KCNQ2: variants seen among roughly 807,000 people sequenced by gnomAD.
The protein encoded by KCNQ2 is potassium voltage-gated channel subfamily KQT member 2.
Under a neutral mutation model 84.8 loss-of-function variants are expected in KCNQ2, and 14 were observed. That is an observed-to-expected ratio of 0.17 (90% CI 0.11 to 0.26). KCNQ2 has a LOEUF of 0.26. KCNQ2 is among the 10% of genes least tolerant of loss of function. The probability of loss-of-function intolerance (pLI) is 1.00; values close to 1 mark genes in which losing one functional copy is unlikely to be tolerated. For missense variants in KCNQ2, 788 were observed against 1,254.0 expected, an observed-to-expected ratio of 0.63 and a Z score of 5.61; for synonymous variants, 599 against 554.1, an observed-to-expected ratio of 1.08 and a Z score of -1.14.
chr20:63,472,640 G>A lies in KCNQ2; in HGVS notation c.-177C>T. ...AGACGCTGCGGCCACCTCGCTCCGC[G>A]CGCACCTCGGCGCCTGGCCCGCGGC... On this transcript the variant is annotated 5_prime_UTR_variant, in exon 1 of 17. Transcript: ENST00000359125. 1 of 248,364 alleles carries A rather than the reference G, an allele frequency of 4.0e-6. No homozygotes were observed. The highest frequency in any genetic ancestry group is 6.2e-6 in the Non-Finnish European group (1 of 161,374). The allele number at this position is 248,364 out of a possible 1,614,324, so 15.4% of individuals were successfully genotyped here.
intron 1 of KCNQ2, among the ~76,000 whole-genome samples, chr20:63,457,652 G>A (rs1242716710): frequency 6.6e-6 from 1 of 152,214 alleles, no homozygotes; most frequent in Non-Finnish European, 1.5e-5. Flanking sequence ...GGAGCTGGAG[G>A]CGGGGGTCCT....
intron 10 of KCNQ2, chr20:63,424,632 G>A (rs181684121): frequency 2.1e-4 from 40 of 194,574 alleles, no homozygotes; most frequent in Middle Eastern, 2.1e-3. Flanking sequence ...TTTTTTCCAC[G>A]CTCATCCTAA....
chr20:63,462,749 T>C (rs2081987730), intron 1 of KCNQ2, among the ~76,000 whole-genome samples: 1 of 152,218 alleles, frequency 6.6e-6, no homozygotes, highest in South Asian at 2.1e-4. Context: ...TCCTAGCACC[T>C]GCTTCAAGGT....
At chr20:63,429,388 C>T (rs1486312239) in intron 9 of KCNQ2, among the ~76,000 whole-genome samples, 1 of 152,100 alleles carries the variant, frequency 6.6e-6, no homozygotes, top group Non-Finnish European at 1.5e-5. Flanking sequence ...GTGGAGCACT[C>T]CCCACTGGGG....
intron 10 of KCNQ2, 114 bp downstream of exon 10, chr20:63,428,253 G>T: frequency 2.5e-6 from 2 of 787,750 alleles, no homozygotes; most frequent in African/African-American, 1.7e-5. Flanking sequence ...GTCCCCGCGC[G>T]TCCCAGCTCC....
rs1362209800 is a variant in KCNQ2 at position 63,414,355 on chromosome 20, A to C, written c.1526-162T>G. ...CTTTTCTGGAAACCCACCCATCTGC[A>C]CCCAGCTGCTCTCGAGTCAGGACCT... is the stretch of plus-strand genomic sequence containing the variant. On this transcript the variant is annotated intron_variant, in intron 13 of 16. Transcript: ENST00000359125. The surrounding 1 kb of genome is among the most constrained non-coding windows in gnomAD (Gnocchi z 6.6). 6.6e-6 allele frequency among the ~76,000 whole-genome samples: 1 copy of C among 152,084 alleles called. No individual in the cohort carries two copies. The highest frequency in any genetic ancestry group is 6.5e-5 in the Admixed American group (1 of 15,274).
chr20:63,429,733 C>A (rs1299740177), intron 9 of KCNQ2, among the ~76,000 whole-genome samples: 1 of 152,200 alleles, frequency 6.6e-6, no homozygotes, highest in Non-Finnish European at 1.5e-5. Context: ...TGCCGACTCC[C>A]ACTTCGTCCA....
At chr20:63,413,263 GGA>G in intron 15 of KCNQ2, 185 bp downstream of exon 15, 1 of 657,584 alleles carries the variant, frequency 1.5e-6, no homozygotes. Context: ...GGGAGAGATG[GGA>G]GAGACAGCAG....
rs535071249 is a variant in KCNQ2 at position 63,408,055 on chromosome 20, C to T, written c.1887+358G>A. ...CTGAGAATGCACCCCCAGAAGACAG[C>T]GGCCAGGGTGTCGGGCAAGGAGGAC... On this transcript the variant is annotated intron_variant, in intron 16 of 16. Coordinates refer to ENST00000359125, the MANE Select transcript of KCNQ2 (RefSeq NM_172107.4). The surrounding 1 kb of genome is among the most constrained non-coding windows in gnomAD (Gnocchi z 5.0). The T allele has an allele frequency of 3.4e-5, 11 of 328,080 alleles. No homozygotes were observed. The highest frequency in any genetic ancestry group is 2.5e-4 in the Admixed American group (6 of 24,340). 20.3% of individuals were successfully genotyped at this position (328,080 alleles called of 1,614,324 possible). A position where few individuals can be genotyped will look rare whatever the true frequency, so the allele number is the denominator to read the frequency against.
intron 1 of KCNQ2, among the ~76,000 whole-genome samples, chr20:63,462,009 T>G (rs78541511): frequency 8.9e-6 from 1 of 112,064 alleles, no homozygotes; most frequent in African/African-American, 3.6e-5. Context: ...GGGAGGAGGC[T>G]GCACCTACCC....
Position 63,403,161 on chromosome 20 carries a change from A to G in KCNQ2, c.*3483T>C, listed in dbSNP as rs6062442. The G allele has an allele frequency of 0.96, 146,482 of 152,452 alleles. 70,658 individuals are homozygous for G. The highest frequency in any genetic ancestry group is 1 in the East Asian group (5,182 of 5,182). 9.4% of individuals were successfully genotyped at this position (152,452 alleles called of 1,614,324 possible). ...CTCTGGATGGCTGCCAGGCTGTGGG[A>G]GGGAAGGGCAGCACGAGACCCTGAT... On this transcript the variant is annotated 3_prime_UTR_variant, in exon 17 of 17. Coordinates refer to ENST00000359125, the MANE Select transcript of KCNQ2 (RefSeq NM_172107.4).
chr20:63,408,287 GC>G lies in KCNQ2; in HGVS notation c.1887+125del. ...CAGAGCAGCTGTCAGTGGTGACAGGGCCATGTAAACCCTAGACTTGAGGAGC... is the reference window on the plus strand; with the variant it reads ...CAGAGCAGCTGTCAGTGGTGACAGGGCATGTAAACCCTAGACTTGAGGAGC... On this transcript the variant is annotated intron_variant, in intron 16 of 16. Coordinates refer to ENST00000359125, the MANE Select transcript of KCNQ2 (RefSeq NM_172107.4). This position sits in a 1 kb window ranked among gnomAD's most constrained non-coding sequence, Gnocchi z 5.0. The G allele has an allele frequency of 1.7e-6, 2 of 1,197,270 alleles. No individual in the cohort carries two copies. The allele number at this position is 1,197,270 out of a possible 1,614,324, so 74.2% of individuals were successfully genotyped here.
chr20:63,432,350 ATCCACCCACAGGGAAGGC>A lies in KCNQ2; in HGVS notation c.1119-999_1119-982del, dbSNP rs1296333490. Among the ~76,000 whole-genome samples, 221 of 72,826 alleles carry A rather than the reference ATCCACCCACAGGGAAGGC, an allele frequency of 3.0e-3. 2 individuals carry two copies. Among genetic ancestry groups the A allele is most frequent in the African/African-American group, 0.012 (212 of 17,540 alleles). The allele number at this position is 72,826 out of a possible 152,430, so 47.8% of individuals were successfully genotyped here. A position where few individuals can be genotyped will look rare whatever the true frequency, so the allele number is the denominator to read the frequency against. ...GGGAAGGCTCCACCCTCAGGGAAGG[ATCCACCCACAGGGAAGGC>A]TCCACCCTCTGGGAAGGCCCCACCC... On this transcript the variant is annotated intron_variant, in intron 8 of 16. Transcript: ENST00000359125.
chr20:63,427,374 T>G (rs1413802076), intron 10 of KCNQ2, among the ~76,000 whole-genome samples: 1 of 152,258 alleles, frequency 6.6e-6, no homozygotes, highest in Non-Finnish European at 1.5e-5. Flanking sequence ...GGTTCTGATG[T>G]CACACCCGCG....
chr20:63,421,604 A>T (rs1277664669), intron 11 of KCNQ2, among the ~76,000 whole-genome samples: 1 of 152,132 alleles, frequency 6.6e-6, no homozygotes, highest in African/African-American at 2.4e-5. Context: ...ACCCACAGAC[A>T]CTGACCGAGA....
At chr20:63,432,063 TCCACCCACAGGGAAGGCC>T (rs1568912561) in intron 8 of KCNQ2, among the ~76,000 whole-genome samples, 31 of 79,764 alleles carry the variant, frequency 3.9e-4, no homozygotes, top group Admixed American at 9.8e-4. Context: ...CAGGGAAGAC[TCCACCCACAGGGAAGGCC>T]CCACCCACAG....
In KCNQ2 at chr20:63,433,824, G is replaced by C. The variant is rs900170305; in HGVS notation, c.1103C>G (p.Thr368Ser). The change falls in exon 8 of 17, where the codon ACC becomes AGC. Residue 368 changes from threonine (T) to serine (S), a missense_variant. Physicochemically the swap from Thr to Ser is moderately conservative, Grantham distance 58. This residue lies in a region of KCNQ2 where 202 missense variants were observed against 239.4 expected (regional missense o/e 0.84). Transcript: ENST00000359125. ...STWQYYERTV[T>S]VPMYSSQTQT... is the part of the protein sequence containing the mutation. Reference sequence around the variant, plus strand: ...GCGGCGGTACCTGTACATGGGCACGGTGACCGTTCGCTCGTAGTACTGCCA... The same window carrying C: ...GCGGCGGTACCTGTACATGGGCACGCTGACCGTTCGCTCGTAGTACTGCCA... The C allele has an allele frequency of 2.5e-6, 4 of 1,613,966 alleles. No homozygotes were observed. The highest frequency in any genetic ancestry group is 2.2e-5 in the East Asian group (1 of 44,884).
At chr20:63,437,284 T>C (rs1159384013) in intron 7 of KCNQ2, 1 of 152,250 alleles carries the variant, frequency 6.6e-6, no homozygotes, top group African/African-American at 2.4e-5. Flanking sequence ...CCCTGGGTGC[T>C]CAGACGCTGC....
chr20:63,445,640 T>G, intron 2 of KCNQ2: 1 of 424,656 alleles, frequency 2.4e-6, no homozygotes. Context: ...CTATCTGGGC[T>G]AGGGGACCAT....
Sources: allele counts gnomAD v4.1 joint callset (sites outside exome capture counted in the v4.1 genomes callset), GRCh38; gene constraint gnomAD v4.1.1; regional missense constraint gnomAD v4.1.1; non-coding constraint Gnocchi (gnomAD v3.1); transcripts MANE v1.5; gene names NCBI Gene and HGNC (gene_info 2026-07-23, HGNC 2026-07-21).